BACH2: variants seen among roughly 807,000 people sequenced by gnomAD.
The protein encoded by BACH2 is transcription regulator protein BACH2.
Under a neutral mutation model 61.8 loss-of-function variants are expected in BACH2, and 5 were observed. The ratio of observed to expected loss-of-function variants is 0.08; its 90% CI spans 0.04 to 0.17. The LOEUF (loss-of-function observed/expected upper bound fraction) is 0.17. BACH2 is among the 10% of genes least tolerant of loss of function. BACH2 has a pLI of 1.00. For synonymous variants in BACH2, 446 were observed against 440.1 expected, an observed-to-expected ratio of 1.01 and a Z score of -0.17; for missense variants, 824 against 1,091.1, an observed-to-expected ratio of 0.76 and a Z score of 3.45.
At chr6:90,053,414 G>C (rs1310405257) in intron 5 of BACH2, among the ~76,000 whole-genome samples, 1 of 152,042 alleles carries the variant, frequency 6.6e-6, no homozygotes, top group Non-Finnish European at 1.5e-5. Flanking sequence ...TGAGTAGCTA[G>C]GACTACAGGT....
intron 3 of BACH2, among the ~76,000 whole-genome samples, chr6:90,238,064 A>C (rs1770317191): frequency 6.6e-6 from 1 of 152,246 alleles, no homozygotes; most frequent in African/African-American, 2.4e-5. Flanking sequence ...TGGCTTTATT[A>C]CTGGTTTAAA....
intron 3 of BACH2, among the ~76,000 whole-genome samples, chr6:90,240,120 T>A (rs1163663482): frequency 6.6e-6 from 1 of 152,162 alleles, no homozygotes; most frequent in African/African-American, 2.4e-5. Context: ...AACAGGTATA[T>A]CCTAATCTTT....
intron 2 of BACH2, among the ~76,000 whole-genome samples, chr6:90,267,208 G>A (rs1379046575): frequency 2.0e-5 from 3 of 151,976 alleles, no homozygotes; most frequent in Admixed American, 6.6e-5. Context: ...ACCACTGAGT[G>A]TACCACAGAC....
chr6:90,265,185 A>G (rs923950757), intron 2 of BACH2, among the ~76,000 whole-genome samples: 9 of 152,216 alleles, frequency 5.9e-5, no homozygotes, highest in Non-Finnish European at 8.8e-5. Flanking sequence ...CATTATGGGG[A>G]TCCACTTCAC....
intron 8 of BACH2, among the ~76,000 whole-genome samples, chr6:89,937,287 C>G (rs1773082014): frequency 6.6e-6 from 1 of 152,106 alleles, no homozygotes; most frequent in Non-Finnish European, 1.5e-5. Context: ...ATTCCATTCT[C>G]TTCTGCCAGG....
chr6:90,270,950 A>G (rs1771499119), intron 2 of BACH2, among the ~76,000 whole-genome samples: 1 of 152,232 alleles, frequency 6.6e-6, no homozygotes, highest in Non-Finnish European at 1.5e-5. Context: ...GATCTTTGAC[A>G]AAGCAAACAA....
At chr6:90,210,030 A>T (rs954397480) in intron 3 of BACH2, among the ~76,000 whole-genome samples, 1 of 152,182 alleles carries the variant, frequency 6.6e-6, no homozygotes, top group African/African-American at 2.4e-5. Context: ...CCAGGGTTGT[A>T]AATCTTTTAA....
At chr6:89,962,725 A>C (rs1428078823) in intron 6 of BACH2, among the ~76,000 whole-genome samples, 2 of 152,346 alleles carry the variant, frequency 1.3e-5, no homozygotes, top group African/African-American at 4.8e-5. Context: ...TTAACATAAA[A>C]ATCTGTTTAA....
Position 90,068,028 on chromosome 6 carries a change from C to T in BACH2, c.-13+20933G>A, listed in dbSNP as rs558997018. Among the ~76,000 whole-genome samples the T allele has an allele frequency of 3.9e-5, 6 of 152,254 alleles. No individual in the cohort carries two copies. The Middle Eastern group carries it at 0.01, about 259-fold the overall frequency. ...AATATAACAAATATTTCTGAGGTTC[C>T]TTGAGATCTCTGTGCATTCAGTTTA... On this transcript the variant is annotated intron_variant, in intron 5 of 8. Coordinates refer to ENST00000257749, the MANE Select transcript of BACH2 (RefSeq NM_021813.4).
rs2128352297 is a variant in BACH2 at position 89,932,441 on chromosome 6, T to C, written c.2493A>G (p.Thr831=). Residue 831 remains threonine (T), a synonymous_variant, in exon 9 of 9, where the codon ACA becomes ACG. Transcript: ENST00000257749. ...AATCTTTCCTGGGCTGTTCGTCAGT[T>C]GTACACTTATCAGTCATTTCCTGGC... The part of the protein sequence containing the change: ...DFCQEMTDKC[T]TDEQPRKDYT 6.2e-7 allele frequency: 1 copy of C among 1,614,142 alleles called. No individual in the cohort carries two copies. Among genetic ancestry groups the C allele is most frequent in the East Asian group, 2.2e-5 (1 of 44,886 alleles).
chr6:89,951,327 T>C lies in BACH2; in HGVS notation c.779A>G (p.Asp260Gly), dbSNP rs1774096059. The change falls in exon 7 of 9, where the codon GAT becomes GGT. Residue 260 changes from aspartate to glycine, a missense_variant. By Grantham distance (94) the Asp-to-Gly change is moderately conservative (BLOSUM62 -1). This residue lies in a region of BACH2 where 226 missense variants were observed against 228.5 expected (regional missense o/e 0.99). Coordinates refer to ENST00000257749, the MANE Select transcript of BACH2 (RefSeq NM_021813.4). The surrounding 1 kb of genome is among the most constrained non-coding windows in gnomAD (Gnocchi z 6.4). ...CGGCTTGAGGCTGTTGCTAGAGTTA[T>C]CTTCCCGGAATGTGCTTGCAAAACC... Reference protein sequence around the residue: ...TSGFASTFREDNSSNSLKPGL... With the variant: ...TSGFASTFREGNSSNSLKPGL... 3.1e-6 allele frequency: 5 copies of C among 1,614,256 alleles called. No homozygotes were observed. Among genetic ancestry groups the C allele is most frequent in the Non-Finnish European group, 4.2e-6 (5 of 1,180,050 alleles).
At chr6:89,994,497 C>A (rs143430411) in intron 6 of BACH2, among the ~76,000 whole-genome samples, 1 of 152,278 alleles carries the variant, frequency 6.6e-6, no homozygotes, top group Non-Finnish European at 1.5e-5. Flanking sequence ...TTTGGATTTT[C>A]ATTTAACCAA....
chr6:90,291,640 G>T, intron 1 of BACH2, among the ~76,000 whole-genome samples: 1 of 148,536 alleles, frequency 6.7e-6, no homozygotes, highest in East Asian at 2.0e-4. Context: ...AAGTTGAGTT[G>T]TATTTTGGGC....
intron 5 of BACH2, among the ~76,000 whole-genome samples, chr6:90,071,508 G>GA (rs769459537): frequency 6.6e-6 from 1 of 152,228 alleles, no homozygotes; most frequent in Non-Finnish European, 1.5e-5. Flanking sequence ...CAGGCAGATG[G>GA]AAAAGATTTT....
chr6:90,283,736 G>A (rs1016874246), intron 1 of BACH2, among the ~76,000 whole-genome samples: 3 of 151,886 alleles, frequency 2.0e-5, no homozygotes, highest in Non-Finnish European at 3.0e-5. Context: ...GGCCAGGCAC[G>A]GCGGCTTACA....
Position 89,951,686 on chromosome 6 carries a change from C to T in BACH2, c.420G>A (p.Leu140=). Residue 140 remains leucine (L), a synonymous_variant, in exon 7 of 9, where the codon CTG becomes CTA. Coordinates refer to ENST00000257749, the MANE Select transcript of BACH2 (RefSeq NM_021813.4). The surrounding 1 kb of genome is among the most constrained non-coding windows in gnomAD (Gnocchi z 6.4). ...QTQLLNSEDG[L]FVCRKDAACQ... is the part of the protein sequence containing the mutation. ...ACGCAGCATCCTTCCGGCACACAAACAGGCCATCCTCACTGTTCAGGAGCT... is the reference window on the plus strand; with the variant it reads ...ACGCAGCATCCTTCCGGCACACAAATAGGCCATCCTCACTGTTCAGGAGCT... 1.2e-6 allele frequency: 2 copies of T among 1,614,238 alleles called. No homozygotes were observed. The highest frequency in any genetic ancestry group is 1.1e-5 in the South Asian group (1 of 91,084).
At chr6:89,992,423 C>T (rs1776628459) in intron 6 of BACH2, among the ~76,000 whole-genome samples, 3 of 151,310 alleles carry the variant, frequency 2.0e-5, no homozygotes. Flanking sequence ...GGTGGATCCC[C>T]TGAGGTCAGG....
chr6:90,104,815 G>C (rs1782828364), intron 4 of BACH2, among the ~76,000 whole-genome samples: 1 of 152,148 alleles, frequency 6.6e-6, no homozygotes, highest in African/African-American at 2.4e-5. Context: ...CTGTAGGATG[G>C]GGGACTGGGG....
chr6:90,014,457 TATATATATATA>T (rs1278155208), intron 5 of BACH2, among the ~76,000 whole-genome samples: 3 of 85,534 alleles, frequency 3.5e-5, no homozygotes, highest in South Asian at 8.1e-4. Context: ...TATATATATA[TATATATATATA>T]TTTTTTTTTT....
Sources: allele counts gnomAD v4.1 joint callset (sites outside exome capture counted in the v4.1 genomes callset), GRCh38; gene constraint gnomAD v4.1.1; regional missense constraint gnomAD v4.1.1; non-coding constraint Gnocchi (gnomAD v3.1); transcripts MANE v1.5; gene names NCBI Gene and HGNC (gene_info 2026-07-23, HGNC 2026-07-21).